The following ADAM9 variants were observed in gnomAD, a reference collection of about 807,000 sequenced individuals.
The protein encoded by ADAM9 is disintegrin and metalloproteinase domain-containing protein 9.
Under a neutral mutation model 108.1 loss-of-function variants are expected in ADAM9, and 54 were observed. That is an observed-to-expected ratio of 0.50 (90% CI 0.40 to 0.63). The LOEUF (loss-of-function observed/expected upper bound fraction) is 0.63. Ranked by LOEUF, ADAM9 falls within the 20% of genes least tolerant of loss-of-function variation. The probability of loss-of-function intolerance (pLI) is 0.00; values close to 1 mark genes in which losing one functional copy is unlikely to be tolerated. For synonymous variants in ADAM9, 316 were observed against 336.0 expected, an observed-to-expected ratio of 0.94 and a Z score of 0.65; for missense variants, 830 against 997.7, an observed-to-expected ratio of 0.83 and a Z score of 2.26.
At chr8:39,003,498 AAC>A (rs1491392048) in intron 1 of ADAM9, among the ~76,000 whole-genome samples, 1 of 151,584 alleles carries the variant, frequency 6.6e-6, no homozygotes, top group Non-Finnish European at 1.5e-5. Context: ...AAAAAAAAAA[AAC>A]AACTAAAGGG....
At chr8:39,040,925 A>G (rs914898065) in intron 11 of ADAM9, among the ~76,000 whole-genome samples, 2 of 152,164 alleles carry the variant, frequency 1.3e-5, no homozygotes, top group Non-Finnish European at 1.5e-5. Context: ...GACCCTTATC[A>G]TACACCATAC....
chr8:39,053,848 C>T (rs1230673337), intron 12 of ADAM9, among the ~76,000 whole-genome samples: 1 of 152,156 alleles, frequency 6.6e-6, no homozygotes, highest in Non-Finnish European at 1.5e-5. Context: ...ACTGACCTCT[C>T]TGTGATCATC....
chr8:39,085,133 C>T (rs1380124932), intron 18 of ADAM9, among the ~76,000 whole-genome samples: 2 of 152,072 alleles, frequency 1.3e-5, no homozygotes, highest in Admixed American at 1.3e-4. Flanking sequence ...CTGCCATTCT[C>T]TGTCTTTCAA....
intron 11 of ADAM9, among the ~76,000 whole-genome samples, chr8:39,034,526 C>CAAAG (rs1837206830): frequency 6.6e-6 from 1 of 152,158 alleles, no homozygotes; most frequent in Non-Finnish European, 1.5e-5. Context: ...TCAGTCTGAT[C>CAAAG]AAAGAACCAG....
chr8:39,022,036 C>A (rs1249128695), intron 8 of ADAM9, among the ~76,000 whole-genome samples: 1 of 150,344 alleles, frequency 6.7e-6, no homozygotes, highest in Non-Finnish European at 1.5e-5. Context: ...AGGCTGCCTT[C>A]TACCCTGAAA....
At chr8:39,057,497 G>C (rs1193786870) in intron 14 of ADAM9, among the ~76,000 whole-genome samples, 1 of 152,042 alleles carries the variant, frequency 6.6e-6, no homozygotes, top group Non-Finnish European at 1.5e-5. Flanking sequence ...ATTGGCTTGT[G>C]TGATTGTGGA....
At chr8:39,043,136 A>ATATG (rs1414136310) in intron 12 of ADAM9, among the ~76,000 whole-genome samples, 1 of 152,066 alleles carries the variant, frequency 6.6e-6, no homozygotes, top group Admixed American at 6.6e-5. Context: ...GTATGTGTGT[A>ATATG]TATGTATGTA....
At chr8:39,014,722 A>G (rs1836469685) in intron 4 of ADAM9, 2 of 535,602 alleles carry the variant, frequency 3.7e-6, no homozygotes, top group Admixed American at 3.4e-5. Context: ...TTACATGTGT[A>G]TGTTTTATTT....
At chr8:39,034,734 A>C (rs1023033203) in intron 11 of ADAM9, among the ~76,000 whole-genome samples, 1 of 152,020 alleles carries the variant, frequency 6.6e-6, no homozygotes, top group Non-Finnish European at 1.5e-5. Context: ...TGAGATGTCA[A>C]GGTGTCAGAC....
Position 39,023,227 on chromosome 8 carries a change from C to T in ADAM9, c.816C>T (p.Asn272=), listed in dbSNP as rs1298352861. 1 of 1,613,618 alleles carries T rather than the reference C, an allele frequency of 6.2e-7. No homozygotes were observed. Among genetic ancestry groups the T allele is most frequent in the South Asian group, 1.1e-5 (1 of 91,046 alleles). Reference sequence around the variant, plus strand: ...TTTGGACCAATGGAAACCTGATCAACATAGTTGGGGGTGCTGGTGATGTGC... The same window carrying T: ...TTTGGACCAATGGAAACCTGATCAATATAGTTGGGGGTGCTGGTGATGTGC... ...LEIWTNGNLI[N]IVGGAGDVLG... Residue 272 remains asparagine (N), a synonymous_variant, in exon 9 of 22, where the codon AAC becomes AAT. Coordinates refer to ENST00000487273, the MANE Select transcript of ADAM9 (RefSeq NM_003816.3).
rs748176759 is a variant in ADAM9, at chr8:39,103,732, A to G, written c.*32A>G. ...TAACCTTCTTTTTGCAAATGTCTTC[A>G]GGGAACTGAGCTAATACTTTTTTTT... On this transcript the variant is annotated 3_prime_UTR_variant, in exon 22 of 22. Coordinates refer to ENST00000487273, the MANE Select transcript of ADAM9 (RefSeq NM_003816.3). 1 of 1,587,106 alleles carries G rather than the reference A, an allele frequency of 6.3e-7. No individual in the cohort carries two copies. Among genetic ancestry groups the G allele is most frequent in the Non-Finnish European group, 8.7e-7 (1 of 1,155,962 alleles).
chr8:39,069,461 T>G (rs1588407985), intron 14 of ADAM9, among the ~76,000 whole-genome samples: 1 of 152,346 alleles, frequency 6.6e-6, no homozygotes, highest in East Asian at 1.9e-4. Context: ...CTCAAATTCC[T>G]TATATTTTTA....
intron 1 of ADAM9, among the ~76,000 whole-genome samples, chr8:38,999,074 T>C (rs774760437): frequency 6.6e-6 from 1 of 151,998 alleles, no homozygotes; most frequent in Non-Finnish European, 1.5e-5. Flanking sequence ...GCTTTTGTAA[T>C]AGTGTGCAGT....
chr8:39,046,878 C>T (rs543132534), intron 12 of ADAM9, among the ~76,000 whole-genome samples: 12 of 152,148 alleles, frequency 7.9e-5, no homozygotes, highest in South Asian at 2.1e-4. Context: ...AAGTGATCCT[C>T]GTGCCTCAGC....
intron 20 of ADAM9, among the ~76,000 whole-genome samples, chr8:39,097,464 T>A (rs1839545353): frequency 6.6e-6 from 1 of 151,934 alleles, no homozygotes; most frequent in African/African-American, 2.4e-5. Context: ...GCGCCACTAC[T>A]CCCAGCTAAT....
chr8:39,031,451 CT>C (rs1390504092), intron 11 of ADAM9, among the ~76,000 whole-genome samples: 1 of 152,180 alleles, frequency 6.6e-6, no homozygotes, highest in Non-Finnish European at 1.5e-5. Context: ...AGTCTTGAAG[CT>C]TGTGCATGCG....
chr8:39,034,700 G>A (rs1042419285), intron 11 of ADAM9, among the ~76,000 whole-genome samples: 12 of 151,950 alleles, frequency 7.9e-5, no homozygotes, highest in African/African-American at 2.9e-4. Context: ...TTTTTCCATT[G>A]TCTTTTGCTT....
At chr8:39,092,726 T>A (rs1259742293) in intron 20 of ADAM9, among the ~76,000 whole-genome samples, 1 of 152,156 alleles carries the variant, frequency 6.6e-6, no homozygotes, top group African/African-American at 2.4e-5. Flanking sequence ...TTTCTTTTAG[T>A]AGTTTTATAG....
chr8:39,082,907 G>A, intron 17 of ADAM9, 61 bp from the exon 18 acceptor site: 6 of 1,466,768 alleles, frequency 4.1e-6, no homozygotes, highest in South Asian at 2.3e-5. Flanking sequence ...TTCCATTCTT[G>A]AGTTGATGAT....
Sources: allele counts gnomAD v4.1 joint callset (sites outside exome capture counted in the v4.1 genomes callset), GRCh38; gene constraint gnomAD v4.1.1; transcripts MANE v1.5; gene names NCBI Gene and HGNC (gene_info 2026-07-23, HGNC 2026-07-21).